Variants in IMMP2L observed in about 807,000 individuals in gnomAD.
IMMP2L encodes the protein inner mitochondrial membrane peptidase subunit 2.
IMMP2L carries 18 observed loss-of-function variants against 19.3 expected under a neutral mutation model. That is an observed-to-expected ratio of 0.93 (90% CI 0.64 to 1.38). The LOEUF (loss-of-function observed/expected upper bound fraction) is 1.38. Ranked by LOEUF, IMMP2L falls within the 40% of genes most tolerant of loss-of-function variation. The pLI is 0.00. For synonymous variants in IMMP2L, 76 were observed against 73.0 expected (o/e 1.04, Z -0.21); for missense variants, 233 against 218.2 (o/e 1.07, Z -0.43).
chr7:110,837,328 G>A (rs187544762), intron 5 of IMMP2L, among the ~76,000 whole-genome samples: 2 of 151,986 alleles, frequency 1.3e-5, no homozygotes, highest in African/African-American at 4.8e-5. Flanking sequence ...GAAAGGAGGT[G>A]AGGAGGAAAG....
At chr7:111,300,284 G>A (rs567223366) in intron 3 of IMMP2L, among the ~76,000 whole-genome samples, 2 of 152,142 alleles carry the variant, frequency 1.3e-5, no homozygotes, top group African/African-American at 2.4e-5. Context: ...CTTTCTAAAA[G>A]TACAGACACG....
At chr7:111,203,494 G>A (rs1465542515) in intron 3 of IMMP2L, among the ~76,000 whole-genome samples, 5 of 151,024 alleles carry the variant, frequency 3.3e-5, no homozygotes, top group Non-Finnish European at 7.4e-5. Context: ...TAAGGCATAG[G>A]TTTTTAAAAC....
intron 3 of IMMP2L, among the ~76,000 whole-genome samples, chr7:111,189,191 T>G (rs893201660): frequency 2.0e-5 from 3 of 152,128 alleles, no homozygotes; most frequent in Non-Finnish European, 2.9e-5. Flanking sequence ...CAGAATTCCA[T>G]TCTTTAAAAC....
At chr7:110,903,392 T>C (rs533451500) in intron 4 of IMMP2L, among the ~76,000 whole-genome samples, 1 of 152,310 alleles carries the variant, frequency 6.6e-6, no homozygotes, top group South Asian at 2.1e-4. Context: ...ACTTTATGCC[T>C]GCAGATTAGT....
rs140941678 is a variant in IMMP2L at position 111,285,566 on chromosome 7, T to G, written c.239+201672A>C. Among the ~76,000 whole-genome samples the G allele has an allele frequency of 2.0e-3, 312 of 152,244 alleles. 2 individuals are homozygous for G. The highest frequency in any genetic ancestry group is 7.1e-3 in the African/African-American group (297 of 41,546). Reference sequence around the variant, plus strand: ...AAGCAATTCAGAATCATACAAGAATTACATAAATGCTCATGCAATTCAATT... The same window carrying G: ...AAGCAATTCAGAATCATACAAGAATGACATAAATGCTCATGCAATTCAATT... On this transcript the variant is annotated intron_variant, in intron 3 of 5. Transcript: ENST00000405709.
At chr7:110,817,931 T>C (rs998981712) in intron 5 of IMMP2L, among the ~76,000 whole-genome samples, 3 of 152,098 alleles carry the variant, frequency 2.0e-5, no homozygotes, top group African/African-American at 7.2e-5. Context: ...TGAAACTGGA[T>C]CCCTTCCTTA....
chr7:111,542,285 TAATAA>T (rs1225184038), intron 1 of IMMP2L, among the ~76,000 whole-genome samples: 1 of 152,138 alleles, frequency 6.6e-6, no homozygotes, highest in Non-Finnish European at 1.5e-5. Flanking sequence ...ATTGTGAAAC[TAATAA>T]AATAAAAACC....
At chr7:111,177,763 T>C (rs780666892) in intron 3 of IMMP2L, among the ~76,000 whole-genome samples, 6 of 152,034 alleles carry the variant, frequency 3.9e-5, no homozygotes, top group Non-Finnish European at 7.4e-5. Flanking sequence ...TGGGTACATG[T>C]GACATTTCTT....
At chr7:111,291,590 G>T (rs1040876044) in intron 3 of IMMP2L, among the ~76,000 whole-genome samples, 1 of 152,056 alleles carries the variant, frequency 6.6e-6, no homozygotes, top group Admixed American at 6.6e-5. Flanking sequence ...AAAATATAAT[G>T]ATGGTTATCA....
chr7:110,975,059 T>C (rs962139083), intron 3 of IMMP2L, among the ~76,000 whole-genome samples: 4 of 152,246 alleles, frequency 2.6e-5, no homozygotes, highest in Non-Finnish European at 5.9e-5. Flanking sequence ...TTTTGTTAAC[T>C]TTTAATATAT....
At chr7:110,769,265 C>G (rs549109325) in intron 5 of IMMP2L, among the ~76,000 whole-genome samples, 6 of 152,152 alleles carry the variant, frequency 3.9e-5, no homozygotes, top group African/African-American at 1.4e-4. Context: ...GCCTTTTTAG[C>G]TCTTAAACAT....
At chr7:111,445,854 C>T (rs1177795936) in intron 3 of IMMP2L, among the ~76,000 whole-genome samples, 1 of 149,668 alleles carries the variant, frequency 6.7e-6, no homozygotes, top group Non-Finnish European at 1.5e-5. Context: ...GTGCGCGCAC[C>T]GTGCGTGAGC....
At chr7:110,726,431 T>C (rs1444044186) in intron 5 of IMMP2L, among the ~76,000 whole-genome samples, 4 of 152,206 alleles carry the variant, frequency 2.6e-5, no homozygotes, top group Non-Finnish European at 5.9e-5. Flanking sequence ...AATGGAAGTT[T>C]TGGCTGTAGC....
At chr7:111,380,112 T>C (rs1831054715) in intron 3 of IMMP2L, among the ~76,000 whole-genome samples, 1 of 151,928 alleles carries the variant, frequency 6.6e-6, no homozygotes, top group Non-Finnish European at 1.5e-5. Flanking sequence ...GAAAAAATAA[T>C]ATTTTATTAT....
intron 3 of IMMP2L, among the ~76,000 whole-genome samples, chr7:111,230,017 G>T (rs888483879): frequency 6.6e-6 from 1 of 151,972 alleles, no homozygotes; most frequent in Non-Finnish European, 1.5e-5. Context: ...TCAGCTTTAT[G>T]GAACAACAGG....
intron 3 of IMMP2L, among the ~76,000 whole-genome samples, chr7:110,997,999 C>T (rs943193800): frequency 5.3e-5 from 8 of 152,086 alleles, no homozygotes; most frequent in African/African-American, 1.9e-4. Flanking sequence ...TTTCCCCTCC[C>T]ATATCTGCAT....
intron 2 of IMMP2L, among the ~76,000 whole-genome samples, chr7:111,489,085 C>T (rs1160584948): frequency 6.8e-6 from 1 of 147,140 alleles, no homozygotes; most frequent in East Asian, 2.0e-4. Context: ...ACACCGTCGC[C>T]CAGGCTGGAG....
chr7:111,276,242 T>A (rs959231110), intron 3 of IMMP2L, among the ~76,000 whole-genome samples: 5 of 152,124 alleles, frequency 3.3e-5, no homozygotes, highest in African/African-American at 1.2e-4. Flanking sequence ...CTGTAATGTA[T>A]CAGATTTACC....
At chr7:110,767,880 T>G (rs1338492711) in intron 5 of IMMP2L, among the ~76,000 whole-genome samples, 3 of 152,182 alleles carry the variant, frequency 2.0e-5, no homozygotes, top group Admixed American at 6.6e-5. Context: ...GCACGGCACT[T>G]AAGACATTTT....
Sources: allele counts gnomAD v4.1 joint callset (sites outside exome capture counted in the v4.1 genomes callset), GRCh38; gene constraint gnomAD v4.1.1; transcripts MANE v1.5; gene names NCBI Gene and HGNC (gene_info 2026-07-23, HGNC 2026-07-21).